The following PHF8 variants were observed in gnomAD, a reference collection of about 807,000 sequenced individuals.
The protein encoded by PHF8 is histone lysine demethylase PHF8.
In PHF8, 9 loss-of-function variants were observed where a neutral mutation model predicts 74.4. The ratio of observed to expected loss-of-function variants is 0.12; its 90% CI spans 0.07 to 0.21. The LOEUF is 0.21. Ranked by LOEUF, PHF8 falls within the 10% of genes least tolerant of loss-of-function variation. PHF8 has a pLI of 1.00. For synonymous variants in PHF8, 311 were observed against 316.6 expected (o/e 0.98, Z 0.19); for missense variants, 478 against 816.6 (o/e 0.59, Z 5.05).
In PHF8 at chrX:53,985,235, G is replaced by C. The variant is rs782797938; in HGVS notation, c.2130-8C>G. On this transcript the variant is annotated splice_region_variant and splice_polypyrimidine_tract_variant and intron_variant, in intron 17 of 21. Coordinates refer to ENST00000338154, the MANE Select transcript of PHF8 (RefSeq NM_015107.3). ...GGAGAAGCTGGGGCCTCGCTGCAAG[G>C]AACAGAGGAGAAATACTGAGAGAGT... 2.0e-4 allele frequency: 240 copies of C among 1,171,069 alleles called. No individual in the cohort carries two copies. The highest frequency in any genetic ancestry group is 2.7e-4 in the Non-Finnish European group (230 of 867,900).
At chrX:53,966,514 G>T (rs893923780) in intron 18 of PHF8, among the ~76,000 whole-genome samples, 2 of 110,739 alleles carry the variant, frequency 1.8e-5, no homozygotes, top group African/African-American at 3.3e-5. Flanking sequence ...GATTGCAGAC[G>T]GTGTCTGGTT....
At chrX:53,957,121 C>T (rs1487959426) in intron 19 of PHF8, among the ~76,000 whole-genome samples, 3 of 105,164 alleles carry the variant, frequency 2.9e-5, no homozygotes, top group Admixed American at 1.0e-4. Context: ...CTGACATGGG[C>T]GGATCACAAG....
chrX:53,994,576 T>C (rs183812802), intron 12 of PHF8, among the ~76,000 whole-genome samples: 1 of 112,770 alleles, frequency 8.9e-6, no homozygotes, highest in East Asian at 2.8e-4. Flanking sequence ...GGACCACATA[T>C]AATCTATCTC....
intron 20 of PHF8, chrX:53,942,667 A>T (rs1264076457): frequency 8.4e-6 from 6 of 717,587 alleles, no homozygotes; most frequent in Non-Finnish European, 9.8e-6. Context: ...TTATGATTGT[A>T]AGTACCACGA....
chrX:54,043,871 A>G lies in PHF8; in HGVS notation c.-202T>C. On this transcript the variant is annotated 5_prime_UTR_variant, in exon 1 of 22. Transcript: ENST00000338154. ...GGACCTCCTCATGCTTTGGGCTGCAAGGACTCCACGCCCGCGGAGCTCAGC... is the reference window on the plus strand; with the variant it reads ...GGACCTCCTCATGCTTTGGGCTGCAGGGACTCCACGCCCGCGGAGCTCAGC... 2 of 753,521 alleles carry G rather than the reference A, an allele frequency of 2.7e-6. No homozygotes were observed. Among genetic ancestry groups the G allele is most frequent in the Non-Finnish European group, 3.1e-6 (2 of 638,147 alleles). The allele number at this position is 753,521 out of a possible 1,213,427, so 62.1% of individuals were successfully genotyped here. A position where few individuals can be genotyped will look rare whatever the true frequency, so the allele number is the denominator to read the frequency against.
At position 54,040,895 on chromosome X, in the gene PHF8, G is replaced by A. The variant is rs782039314; in HGVS notation, c.98+1736C>T. Among the ~76,000 whole-genome samples the A allele has an allele frequency of 3.6e-5, 4 of 112,159 alleles. No homozygotes were observed. In the South Asian group the frequency reaches 1.1e-3, roughly 31 times the overall value. On this transcript the variant is annotated intron_variant, in intron 2 of 21. Transcript: ENST00000338154. ...ACTTATTTTCAGGGCAAAGGAAAAG[G>A]TCCCACCCTCTAGGGTTGTCCCCTC... is the stretch of plus-strand genomic sequence containing the variant.
At chrX:54,017,568 C>A in intron 5 of PHF8, 93 bp downstream of exon 5, 1 of 787,300 alleles carries the variant, frequency 1.3e-6, no homozygotes, top group Non-Finnish European at 1.9e-6. Flanking sequence ...AAGATGGTTA[C>A]AGAGGAAATG....
At chrX:54,048,254 G>A (rs968518094), upstream of PHF8, among the ~76,000 whole-genome samples, 2 of 111,026 alleles carry the variant, frequency 1.8e-5, no homozygotes, top group Non-Finnish European at 3.8e-5. Flanking sequence ...GCTACAGGTG[G>A]GGGTCAGGGT....
intron 19 of PHF8, among the ~76,000 whole-genome samples, chrX:53,958,396 C>T (rs1357677980): frequency 9.3e-6 from 1 of 107,821 alleles, no homozygotes; most frequent in African/African-American, 3.4e-5. Flanking sequence ...AAATACGTTT[C>T]CAACTGAGTT....
chrX:53,964,592 G>A (rs2065151489), intron 18 of PHF8, among the ~76,000 whole-genome samples: 1 of 111,483 alleles, frequency 9.0e-6, no homozygotes, highest in South Asian at 3.7e-4. Flanking sequence ...GAGGTCGGGC[G>A]CAGTGGCTCA....
At chrX:53,979,881 C>T (rs1353638353) in intron 18 of PHF8, among the ~76,000 whole-genome samples, 5 of 110,918 alleles carry the variant, frequency 4.5e-5, no homozygotes, top group African/African-American at 6.6e-5. Context: ...CCCAGCTACT[C>T]GGGAGGCTGA....
In PHF8 at chrX:53,993,819, T is replaced by C. The variant is rs782718299; in HGVS notation, c.1408A>G (p.Arg470Gly). ...IFPAGSIPLTRPAHSTSVSMS... is the reference protein window; with the variant it reads ...IFPAGSIPLTGPAHSTSVSMS... ...GACACTGAAGTGGAATGGGCTGGCC[T>C]GGTTAGGGGAATGGAGCCGGCTGGG... Residue 470 changes from arginine (R) to glycine (G), a missense_variant, in exon 13 of 22, where the codon AGG (arginine) becomes GGG (glycine). Arg to Gly is a moderately radical substitution (Grantham distance 125). Transcript: ENST00000338154. 2.5e-6 allele frequency: 3 copies of C among 1,207,188 alleles called. No homozygotes were observed. Among genetic ancestry groups the C allele is most frequent in the African/African-American group, 1.7e-5 (1 of 57,790 alleles).
intron 12 of PHF8, chrX:53,995,063 C>T (rs962520700): frequency 3.2e-6 from 1 of 310,707 alleles, no homozygotes; most frequent in Non-Finnish European, 6.4e-6. Flanking sequence ...GATGAGGAAA[C>T]TGAGGCTCTG....
chrX:53,984,846 G>T (rs979815137), intron 18 of PHF8, 68 bp downstream of exon 18: 4 of 849,725 alleles, frequency 4.7e-6, no homozygotes, highest in South Asian at 2.0e-5. Context: ...CCTCTATTGG[G>T]ACTAGGATGG....
At chrX:54,011,061 C>T in intron 8 of PHF8, 61 bp downstream of exon 8, 2 of 1,029,690 alleles carry the variant, frequency 1.9e-6, no homozygotes, top group Non-Finnish European at 2.7e-6. Context: ...GCTGTGGGGC[C>T]AAAAGCTCCC....
chrX:53,977,573 G>T (rs1343727677), intron 18 of PHF8, among the ~76,000 whole-genome samples: 1 of 110,677 alleles, frequency 9.0e-6, no homozygotes, highest in African/African-American at 3.3e-5. Flanking sequence ...GTGCTGATGA[G>T]TATGTAGAGC....
chrX:54,039,299 G>A (rs1003694410), intron 2 of PHF8, among the ~76,000 whole-genome samples: 2 of 111,654 alleles, frequency 1.8e-5, no homozygotes. Context: ...CTTAAATGGC[G>A]CACTATAAGC....
At chrX:54,017,360 T>C (rs1422152828) in intron 5 of PHF8, among the ~76,000 whole-genome samples, 1 of 111,930 alleles carries the variant, frequency 8.9e-6, no homozygotes, top group Non-Finnish European at 1.9e-5. Context: ...GGTTTGAGGA[T>C]CCCTGGAGCC....
In PHF8 at chrX:53,995,702, G is replaced by T; in HGVS notation, c.1314C>A (p.Arg438=). ...QLIKDLAREI[R]LVEDIFQQNV... Reference sequence around the variant, plus strand: ...GCCCCATGCTCCTTACTTCCACCAGGCGGATCTCCCTGGCCAGATCTTTAA... The same window carrying T: ...GCCCCATGCTCCTTACTTCCACCAGTCGGATCTCCCTGGCCAGATCTTTAA... The change falls in exon 12 of 22, where the codon CGC becomes CGA. Residue 438 remains arginine, a synonymous_variant. Coordinates refer to ENST00000338154, the MANE Select transcript of PHF8 (RefSeq NM_015107.3). 2.5e-6 allele frequency: 3 copies of T among 1,184,900 alleles called. No individual in the cohort carries two copies. The highest frequency in any genetic ancestry group is 2.3e-6 in the Non-Finnish European group (2 of 871,740).
Sources: allele counts gnomAD v4.1 joint callset (sites outside exome capture counted in the v4.1 genomes callset), GRCh38; gene constraint gnomAD v4.1.1; transcripts MANE v1.5; gene names NCBI Gene and HGNC (gene_info 2026-07-23, HGNC 2026-07-21).